Variants in FHIT observed in about 807,000 individuals in gnomAD.
The protein encoded by FHIT is fragile histidine triad diadenosine triphosphatase, also known as bis(5'-adenosyl)-triphosphatase.
FHIT carries 19 observed loss-of-function variants against 17.9 expected under a neutral mutation model. That is an observed-to-expected ratio of 1.06 (90% CI 0.74 to 1.56). The LOEUF (loss-of-function observed/expected upper bound fraction) is 1.56, where lower values mean the gene tolerates loss of function less well. Among genes scored for constraint, FHIT ranks in the 40% most tolerant of loss-of-function variants. FHIT has a pLI of 0.00. For synonymous variants in FHIT, 81 were observed against 69.7 expected (o/e 1.16, Z -0.81); for missense variants, 248 against 189.2 (o/e 1.31, Z -1.82).
intron 5 of FHIT, among the ~76,000 whole-genome samples, chr3:60,479,658 G>A (rs1371400321): frequency 6.6e-6 from 1 of 152,190 alleles, no homozygotes; most frequent in African/African-American, 2.4e-5. Context: ...AGTGGGAGGT[G>A]AGCAGTGGGT....
At chr3:61,167,143 C>T (rs951089634) in intron 2 of FHIT, 1 of 152,056 alleles carries the variant, frequency 6.6e-6, no homozygotes, top group Non-Finnish European at 1.5e-5. Context: ...GATTTAGAAA[C>T]GGATTATCTA....
intron 5 of FHIT, among the ~76,000 whole-genome samples, chr3:60,444,962 A>G (rs892028108): frequency 6.6e-6 from 1 of 152,128 alleles, no homozygotes; most frequent in Admixed American, 6.6e-5. Flanking sequence ...GAAACTGCCC[A>G]AAGACCCTAG....
rs115677216 is a variant in FHIT at position 60,244,512 on chromosome 3, T to C, written c.104-230360A>G. On this transcript the variant is annotated intron_variant, in intron 5 of 9. Coordinates refer to ENST00000492590, the MANE Select transcript of FHIT (RefSeq NM_002012.4). ...AATCATGAGCCTTTACAAGATTTCA[T>C]GTTGATTAACAGTAAATAGCTTTTT... Among the ~76,000 whole-genome samples, 1,340 of 152,216 alleles carry C rather than the reference T, an allele frequency of 8.8e-3. 10 individuals carry two copies. The highest frequency in any genetic ancestry group is 0.065 in the Middle Eastern group (19 of 294).
chr3:60,808,988 T>G (rs1181646835), intron 4 of FHIT, among the ~76,000 whole-genome samples: 1 of 152,230 alleles, frequency 6.6e-6, no homozygotes, highest in Non-Finnish European at 1.5e-5. Context: ...ATTTTTATAC[T>G]TTTGCATTTA....
At chr3:60,578,755 A>G (rs1480541923) in intron 4 of FHIT, among the ~76,000 whole-genome samples, 3 of 152,156 alleles carry the variant, frequency 2.0e-5, no homozygotes, top group Non-Finnish European at 2.9e-5. Flanking sequence ...TAAATGAAAC[A>G]TTTTTGAAGG....
At chr3:60,671,268 G>C (rs1553693760) in intron 4 of FHIT, among the ~76,000 whole-genome samples, 2 of 152,046 alleles carry the variant, frequency 1.3e-5, no homozygotes, top group African/African-American at 2.4e-5. Flanking sequence ...CAATATATAA[G>C]ATAGAATAAT....
At position 60,895,661 on chromosome 3, in the gene FHIT, CCTTCCTTTCTTT is replaced by C. The variant is rs1488960359; in HGVS notation, c.-110-73662_-110-73651del. Among the ~76,000 whole-genome samples, 409 of 139,170 alleles carry C rather than the reference CCTTCCTTTCTTT, an allele frequency of 2.9e-3. 6 individuals carry two copies. The highest frequency in any genetic ancestry group is 0.01 in the African/African-American group (343 of 34,164). 91.3% of individuals were successfully genotyped at this position (139,170 alleles called of 152,430 possible). A position where few individuals can be genotyped will look rare whatever the true frequency, so the allele number is the denominator to read the frequency against. ...CTTTCCTTCCTTTCCCTCCTTCCTTCCTTCCTTTCTTTCTTTCTTTCTTTCTTTCTTTCTTTC... is the reference window on the plus strand; with the variant it reads ...CTTTCCTTCCTTTCCCTCCTTCCTTCCTTTCTTTCTTTCTTTCTTTCTTTC... On this transcript the variant is annotated intron_variant, in intron 3 of 9. Coordinates refer to ENST00000492590, the MANE Select transcript of FHIT (RefSeq NM_002012.4).
chr3:60,552,822 T>C (rs907709189), intron 4 of FHIT, among the ~76,000 whole-genome samples: 3 of 152,234 alleles, frequency 2.0e-5, no homozygotes, highest in East Asian at 3.9e-4. Context: ...CTTATACTTT[T>C]AACAGTCTCA....
chr3:60,871,172 A>G (rs1413640456), intron 3 of FHIT, among the ~76,000 whole-genome samples: 1 of 152,098 alleles, frequency 6.6e-6, no homozygotes, highest in East Asian at 1.9e-4. Context: ...GCCATTTTGT[A>G]TCTTCCTTTT....
chr3:60,545,885 T>C (rs1270416882), intron 4 of FHIT, among the ~76,000 whole-genome samples: 1 of 152,186 alleles, frequency 6.6e-6, no homozygotes, highest in Non-Finnish European at 1.5e-5. Context: ...ATTGCTTCAT[T>C]GGTTTCTGAG....
intron 5 of FHIT, among the ~76,000 whole-genome samples, chr3:60,445,936 A>T (rs962255119): frequency 2.0e-5 from 3 of 152,158 alleles, no homozygotes; most frequent in Admixed American, 6.6e-5. Flanking sequence ...CTGTGTTGAT[A>T]ACATATTCCT....
intron 2 of FHIT, among the ~76,000 whole-genome samples, chr3:61,190,900 G>A (rs1212121813): frequency 1.4e-5 from 2 of 144,708 alleles, no homozygotes; most frequent in African/African-American, 5.1e-5. Flanking sequence ...ATGGACACAG[G>A]AAGGGGAACA....
At chr3:60,888,311 T>C (rs6785030) in intron 3 of FHIT, among the ~76,000 whole-genome samples, 41,937 of 152,088 alleles carry the variant, frequency 0.28, 7,017 homozygotes, top group African/African-American at 0.46. Flanking sequence ...ATTTCCTGAG[T>C]GTTTCAAAAG....
chr3:60,243,407 C>A (rs1705231775), intron 5 of FHIT, among the ~76,000 whole-genome samples: 1 of 152,128 alleles, frequency 6.6e-6, no homozygotes, highest in Non-Finnish European at 1.5e-5. Context: ...TGTAACACTA[C>A]TGACAAATTA....
chr3:60,964,636 A>G (rs1485035892), intron 3 of FHIT, among the ~76,000 whole-genome samples: 3 of 152,160 alleles, frequency 2.0e-5, no homozygotes, highest in South Asian at 4.1e-4. Flanking sequence ...TGGTGGTGAC[A>G]AAGTCTCTCA....
chr3:60,756,184 C>T (rs1233192579), intron 4 of FHIT, among the ~76,000 whole-genome samples: 1 of 152,210 alleles, frequency 6.6e-6, no homozygotes, highest in Non-Finnish European at 1.5e-5. Context: ...TCTTGATTCT[C>T]TGTAGAGAGA....
At chr3:60,427,059 T>A (rs1210564743) in intron 5 of FHIT, among the ~76,000 whole-genome samples, 2 of 152,044 alleles carry the variant, frequency 1.3e-5, no homozygotes, top group Non-Finnish European at 2.9e-5. Context: ...GAAATTATCT[T>A]GGGTGGGCCT....
chr3:60,041,558 T>C (rs1348167570), intron 5 of FHIT, among the ~76,000 whole-genome samples: 1 of 152,186 alleles, frequency 6.6e-6, no homozygotes, highest in Non-Finnish European at 1.5e-5. Context: ...AGAACATGCC[T>C]GCAACATATG....
At chr3:60,681,280 T>G (rs1257736237) in intron 4 of FHIT, among the ~76,000 whole-genome samples, 5 of 152,200 alleles carry the variant, frequency 3.3e-5, no homozygotes, top group Admixed American at 3.3e-4. Context: ...GATGTTCCTA[T>G]TGTAAGTGTT....
Sources: allele counts gnomAD v4.1 joint callset (sites outside exome capture counted in the v4.1 genomes callset), GRCh38; gene constraint gnomAD v4.1.1; transcripts MANE v1.5; gene names NCBI Gene and HGNC (gene_info 2026-07-23, HGNC 2026-07-21).